MCC: variants seen among roughly 807,000 people sequenced by gnomAD.
The protein encoded by MCC is colorectal mutant cancer protein.
Under a neutral mutation model 116.2 loss-of-function variants are expected in MCC, and 90 were observed. That is an observed-to-expected ratio of 0.77 (90% CI 0.65 to 0.92). The LOEUF (loss-of-function observed/expected upper bound fraction) is 0.92. Ranked by LOEUF, MCC falls within the 40% of genes least tolerant of loss-of-function variation. The pLI, the probability that MCC is intolerant of heterozygous loss-of-function variation, is 0.00. For missense variants in MCC, 1,516 were observed against 1,312.2 expected (o/e 1.16, Z -2.40); for synonymous variants, 578 against 510.5 (o/e 1.13, Z -1.78).
At chr5:113,445,511 A>C (rs1205866881) in intron 1 of MCC, among the ~76,000 whole-genome samples, 1 of 152,178 alleles carries the variant, frequency 6.6e-6, no homozygotes, top group Non-Finnish European at 1.5e-5. Context: ...AGCCACACGA[A>C]AAATAAAATA....
chr5:113,237,083 T>G (rs1344189640), intron 3 of MCC, among the ~76,000 whole-genome samples: 1 of 152,244 alleles, frequency 6.6e-6, no homozygotes, highest in Non-Finnish European at 1.5e-5. Flanking sequence ...GCTAATTGAC[T>G]GAACTTGCCT....
At chr5:113,435,994 C>T (rs565064921) in intron 1 of MCC, 1 of 152,548 alleles carries the variant, frequency 6.6e-6, no homozygotes, top group South Asian at 2.1e-4. Flanking sequence ...TGGGCCACAC[C>T]GTCAGGAAGA....
chr5:113,288,883 AACAGAAGGC>A (rs563767950), intron 3 of MCC, among the ~76,000 whole-genome samples: 115 of 152,328 alleles, frequency 7.5e-4, no homozygotes, highest in African/African-American at 2.7e-3. Context: ...ACATGGGAAT[AACAGAAGGC>A]ACCTCAGAGT....
intron 3 of MCC, among the ~76,000 whole-genome samples, chr5:113,185,965 G>A (rs748288231): frequency 6.6e-6 from 1 of 152,000 alleles, no homozygotes; most frequent in Non-Finnish European, 1.5e-5. Flanking sequence ...ATTCAGATGA[G>A]AGCCACCAAG....
chr5:113,152,769 G>T (rs1759956128), intron 3 of MCC, among the ~76,000 whole-genome samples: 1 of 152,148 alleles, frequency 6.6e-6, no homozygotes, highest in Non-Finnish European at 1.5e-5. Flanking sequence ...AGCAGTAAAT[G>T]TGACTTCACT....
In MCC at chr5:113,427,612, C is replaced by T. The variant is rs546635078; in HGVS notation, c.171-42400G>A. 1.4e-4 allele frequency among the ~76,000 whole-genome samples: 22 copies of T among 152,266 alleles called. No homozygotes were observed. The South Asian group carries it at 2.9e-3, about 20-fold the overall frequency. The stretch of plus-strand genomic sequence containing the variant: ...AACAAAGTGAAGATTATTATGGAGT[C>T]ACTTTGAAAGGTAGTTTGGGCTTTC... On this transcript the variant is annotated intron_variant, in intron 1 of 18. Coordinates refer to ENST00000408903, the MANE Select transcript of MCC (RefSeq NM_001085377.2).
At chr5:113,473,463 G>A (rs1436132384) in intron 1 of MCC, among the ~76,000 whole-genome samples, 1 of 152,148 alleles carries the variant, frequency 6.6e-6, no homozygotes, top group Non-Finnish European at 1.5e-5. Context: ...GTGTGAGGCT[G>A]CTGTGGGCTA....
intron 2 of MCC, among the ~76,000 whole-genome samples, chr5:113,352,721 G>A (rs1768307176): frequency 6.6e-6 from 1 of 151,640 alleles, no homozygotes; most frequent in South Asian, 2.1e-4. Context: ...ACTTTTATCA[G>A]ATCTATAGTA....
intron 5 of MCC, among the ~76,000 whole-genome samples, chr5:113,138,460 G>A (rs1758976723): frequency 6.6e-6 from 1 of 152,204 alleles, no homozygotes; most frequent in African/African-American, 2.4e-5. Flanking sequence ...ACAGCAGAGA[G>A]CTTGCTTCCT....
At chr5:113,118,065 C>G (rs551250973) in intron 6 of MCC, among the ~76,000 whole-genome samples, 2 of 152,318 alleles carry the variant, frequency 1.3e-5, no homozygotes, top group South Asian at 4.1e-4. Context: ...GCTGTGTGGC[C>G]TTGGACAAGT....
intron 2 of MCC, among the ~76,000 whole-genome samples, chr5:113,364,262 C>CAAAAAAAAAAAAAA: frequency 1.3e-5 from 1 of 78,594 alleles, no homozygotes; most frequent in Middle Eastern, 5.8e-3. Flanking sequence ...AAAAAAAAAC[C>CAAAAAAAAAAAAAA]AGAAAAAAAA....
chr5:113,221,556 T>G (rs1763552837), intron 3 of MCC, among the ~76,000 whole-genome samples: 1 of 152,194 alleles, frequency 6.6e-6, no homozygotes, highest in African/African-American at 2.4e-5. Context: ...GCTATGAGAT[T>G]TTAAACCTCT....
chr5:113,294,637 A>C, intron 3 of MCC: 1 of 1,123,996 alleles, frequency 8.9e-7, no homozygotes, highest in Non-Finnish European at 1.1e-6. Context: ...CAGCTGCGGC[A>C]GCGGCGGAGC....
intron 9 of MCC, 135 bp from the exon 10 acceptor site, chr5:113,084,325 C>A: frequency 3.0e-6 from 2 of 670,630 alleles, no homozygotes; most frequent in Middle Eastern, 3.3e-4. Flanking sequence ...AGCTCACGTC[C>A]AATTTTTCTA....
chr5:113,481,204 A>G (rs1772369505), intron 1 of MCC, among the ~76,000 whole-genome samples: 1 of 152,210 alleles, frequency 6.6e-6, no homozygotes, highest in African/African-American at 2.4e-5. Flanking sequence ...ACAAGAGTGC[A>G]ATATGATAAA....
At chr5:113,177,664 A>G (rs1475891185) in intron 3 of MCC, among the ~76,000 whole-genome samples, 1 of 152,236 alleles carries the variant, frequency 6.6e-6, no homozygotes, top group East Asian at 1.9e-4. Context: ...AAATTGTTAT[A>G]GCAATTAGAT....
chr5:113,245,760 G>C (rs1414092344), intron 3 of MCC, among the ~76,000 whole-genome samples: 1 of 152,090 alleles, frequency 6.6e-6, no homozygotes. Flanking sequence ...CCCCACAAAT[G>C]ATGGAAAATC....
chr5:113,153,757 G>A (rs1760017824), intron 3 of MCC, among the ~76,000 whole-genome samples: 1 of 152,198 alleles, frequency 6.6e-6, no homozygotes, highest in African/African-American at 2.4e-5. Context: ...TCAGCTCTGT[G>A]ACCCCACATC....
chr5:113,345,915 CAG>C (rs552163083), intron 2 of MCC, among the ~76,000 whole-genome samples: 57 of 152,284 alleles, frequency 3.7e-4, no homozygotes, highest in African/African-American at 1.3e-3. Flanking sequence ...CCTGGAGAAA[CAG>C]AGATATATGA....
Sources: allele counts gnomAD v4.1 joint callset (sites outside exome capture counted in the v4.1 genomes callset), GRCh38; gene constraint gnomAD v4.1.1; transcripts MANE v1.5; gene names NCBI Gene and HGNC (gene_info 2026-07-23, HGNC 2026-07-21).